The following NCAM2 variants were observed in gnomAD, a reference collection of about 807,000 sequenced individuals.
NCAM2 encodes the protein N-CAM-2.
NCAM2 carries 30 observed loss-of-function variants against 98.1 expected under a neutral mutation model. That is an observed-to-expected ratio of 0.31 (90% confidence interval 0.23 to 0.41). The LOEUF is 0.41. NCAM2 is among the 10% of genes least tolerant of loss of function. The pLI is 1.00. For synonymous variants in NCAM2, 368 were observed against 342.4 expected (o/e 1.07, Z -0.83); for missense variants, 867 against 1,005.8 (o/e 0.86, Z 1.87).
At chr21:21,233,526 T>G (rs577168073) in intron 1 of NCAM2, among the ~76,000 whole-genome samples, 2 of 151,838 alleles carry the variant, frequency 1.3e-5, no homozygotes, top group South Asian at 2.1e-4. Flanking sequence ...ATTGAAATGA[T>G]CAGCTAATAA....
At chr21:21,208,394 G>T (rs2069521587) in intron 1 of NCAM2, among the ~76,000 whole-genome samples, 1 of 152,128 alleles carries the variant, frequency 6.6e-6, no homozygotes, top group Non-Finnish European at 1.5e-5. Context: ...GGGTGGAATT[G>T]ATGTCTCTGT....
intron 1 of NCAM2, among the ~76,000 whole-genome samples, chr21:21,064,114 G>T (rs2065382424): frequency 6.6e-6 from 1 of 152,126 alleles, no homozygotes; most frequent in South Asian, 2.1e-4. Context: ...AGATTTTAGT[G>T]CATGTTGGAA....
At chr21:21,002,808 C>G (rs2064043704) in intron 1 of NCAM2, among the ~76,000 whole-genome samples, 1 of 152,060 alleles carries the variant, frequency 6.6e-6, no homozygotes, top group Non-Finnish European at 1.5e-5. Flanking sequence ...AAGGGACTAT[C>G]ATTGTTTTTC....
intron 1 of NCAM2, among the ~76,000 whole-genome samples, chr21:21,208,893 A>G (rs1017859381): frequency 4.6e-5 from 7 of 151,994 alleles, no homozygotes; most frequent in Admixed American, 2.0e-4. Context: ...TCTTTGTTCT[A>G]TGTTCAATAA....
At chr21:21,530,260 T>A (rs1290143126) in intron 16 of NCAM2, among the ~76,000 whole-genome samples, 2 of 129,844 alleles carry the variant, frequency 1.5e-5, no homozygotes, top group East Asian at 4.5e-4. Context: ...ATATATAATT[T>A]AATTTAATTA....
chr21:21,067,968 A>G (rs981803805), intron 1 of NCAM2, among the ~76,000 whole-genome samples: 1 of 152,048 alleles, frequency 6.6e-6, no homozygotes, highest in African/African-American at 2.4e-5. Flanking sequence ...TGTCTTCCAA[A>G]AAGTGCTATA....
At chr21:21,045,506 G>C (rs1184904679) in intron 1 of NCAM2, among the ~76,000 whole-genome samples, 2 of 152,002 alleles carry the variant, frequency 1.3e-5, no homozygotes, top group African/African-American at 4.8e-5. Flanking sequence ...AACAATATAT[G>C]GGGATGATGG....
At chr21:21,223,010 C>T (rs1254323720) in intron 1 of NCAM2, among the ~76,000 whole-genome samples, 1 of 152,052 alleles carries the variant, frequency 6.6e-6, no homozygotes, top group East Asian at 1.9e-4. Context: ...ATGCAAAACC[C>T]TCCACCAGTA....
chr21:21,162,138 C>T (rs1211033056), intron 1 of NCAM2, among the ~76,000 whole-genome samples: 1 of 151,896 alleles, frequency 6.6e-6, no homozygotes, highest in Non-Finnish European at 1.5e-5. Flanking sequence ...TTTAATTCAC[C>T]TCATAGTACT....
At chr21:21,412,902 A>G (rs541011003) in intron 10 of NCAM2, among the ~76,000 whole-genome samples, 1 of 152,272 alleles carries the variant, frequency 6.6e-6, no homozygotes, top group South Asian at 2.1e-4. Context: ...TTTAGTAATT[A>G]TTGTAAAAGT....
chr21:21,214,711 T>G (rs1340193744), intron 1 of NCAM2, among the ~76,000 whole-genome samples: 1 of 110,936 alleles, frequency 9.0e-6, no homozygotes, highest in Middle Eastern at 5.2e-3. Context: ...GGGGAGTAAA[T>G]ATATATATTC....
chr21:21,422,401 G>T (rs183221287), intron 11 of NCAM2, among the ~76,000 whole-genome samples: 1 of 152,182 alleles, frequency 6.6e-6, no homozygotes, highest in Admixed American at 6.5e-5. Context: ...AACTTTGCTA[G>T]TACATAATAT....
chr21:21,260,308 C>G lies in NCAM2; in HGVS notation c.56-20270C>G, dbSNP rs540913141. Among the ~76,000 whole-genome samples, 19 of 152,034 alleles carry G rather than the reference C, an allele frequency of 1.2e-4. No individual in the cohort carries two copies. The East Asian group carries it at 3.1e-3, about 25-fold the overall frequency. On this transcript the variant is annotated intron_variant, in intron 1 of 17. Coordinates refer to ENST00000400546, the MANE Select transcript of NCAM2 (RefSeq NM_004540.5). ...AATAATTCCAAAAAAAATTCCTAAT[C>G]TTCCTAGAGAGATAGATATCCAGAT...
intron 1 of NCAM2, among the ~76,000 whole-genome samples, chr21:21,107,341 G>T (rs1379496841): frequency 4.6e-5 from 7 of 151,824 alleles, no homozygotes; most frequent in Non-Finnish European, 1.0e-4. Flanking sequence ...TAATACCAGA[G>T]CCCACAATGA....
At chr21:21,228,562 A>G (rs1034340) in intron 1 of NCAM2, among the ~76,000 whole-genome samples, 150,215 of 151,508 alleles carry the variant, frequency 0.99, 74,483 homozygotes, top group East Asian at 1. Context: ...AAAAAAATCT[A>G]AAAACACTGA....
chr21:21,327,506 G>T (rs924366467), intron 6 of NCAM2, among the ~76,000 whole-genome samples: 3 of 151,782 alleles, frequency 2.0e-5, no homozygotes, highest in East Asian at 1.9e-4. Flanking sequence ...TCTTAGATTC[G>T]CAGGTTTGTT....
intron 14 of NCAM2, among the ~76,000 whole-genome samples, chr21:21,476,122 G>T (rs1246290249): frequency 6.6e-6 from 1 of 152,036 alleles, no homozygotes; most frequent in African/African-American, 2.4e-5. Flanking sequence ...GTGTTAAATT[G>T]TGGCTCAACA....
At chr21:21,142,382 T>TA (rs2067187089) in intron 1 of NCAM2, among the ~76,000 whole-genome samples, 2 of 141,688 alleles carry the variant, frequency 1.4e-5, no homozygotes, top group South Asian at 2.3e-4. Context: ...TTTATGTTTT[T>TA]TTTTTTTTTT....
chr21:21,378,506 A>G (rs1476726548), intron 9 of NCAM2, among the ~76,000 whole-genome samples: 1 of 152,028 alleles, frequency 6.6e-6, no homozygotes, highest in African/African-American at 2.4e-5. Context: ...TAATTTGCCC[A>G]TTTTAAAATC....
Sources: gnomAD v4.1 joint callset for allele counts (sites outside exome capture counted in the v4.1 genomes callset) on GRCh38, gnomAD v4.1.1 for gene constraint, MANE v1.5 for transcripts, NCBI Gene and HGNC (gene_info 2026-07-23, HGNC 2026-07-21) for gene names.